The following PCDH17 variants were observed in gnomAD, a reference collection of about 807,000 sequenced individuals.
PCDH17 encodes the protein protocadherin 17.
In PCDH17, 21 loss-of-function variants were observed where a neutral mutation model predicts 67.7. The observed-to-expected ratio is 0.31, with a 90% CI of 0.22 to 0.45. The LOEUF (loss-of-function observed/expected upper bound fraction) is 0.45, where lower values mean the gene tolerates loss of function less well. Ranked by LOEUF, PCDH17 falls within the 20% of genes least tolerant of loss-of-function variation. PCDH17 has a pLI of 1.00. For synonymous variants in PCDH17, 701 were observed against 656.7 expected, an observed-to-expected ratio of 1.07 and a Z score of -1.03; for missense variants, 1,471 against 1,564.8, an observed-to-expected ratio of 0.94 and a Z score of 1.01.
At chr13:57,665,103 T>A (rs1955233063) in intron 1 of PCDH17, among the ~76,000 whole-genome samples, 1 of 152,128 alleles carries the variant, frequency 6.6e-6, no homozygotes, top group African/African-American at 2.4e-5. Flanking sequence ...ATGCTTCACT[T>A]CATCTTTGCG....
intron 3 of PCDH17, among the ~76,000 whole-genome samples, chr13:57,702,917 A>G (rs1446138756): frequency 6.6e-6 from 1 of 152,116 alleles, no homozygotes; most frequent in African/African-American, 2.4e-5. Context: ...ACTGATTCTG[A>G]CCTTTCTGCC....
intron 2 of PCDH17, 63 bp from the exon 3 acceptor site, chr13:57,666,598 A>G: frequency 1.2e-6 from 2 of 1,605,328 alleles, no homozygotes; most frequent in South Asian, 2.2e-5. Context: ...GCAAGAGACT[A>G]CACTTCAGAT....
intron 1 of PCDH17, among the ~76,000 whole-genome samples, chr13:57,641,583 A>C (rs1231791024): frequency 1.7e-5 from 1 of 60,182 alleles, no homozygotes; most frequent in African/African-American, 6.3e-5. Context: ...AAAAAAAAAA[A>C]AAAAATATAT....
chr13:57,666,880 C>T, intron 3 of PCDH17, 47 bp downstream of exon 3: 1 of 1,428,038 alleles, frequency 7.0e-7, no homozygotes, highest in South Asian at 1.3e-5. Context: ...CTTAAGCAGT[C>T]ATTATAAACC....
chr13:57,648,707 A>C (rs1954998443), intron 1 of PCDH17, among the ~76,000 whole-genome samples: 1 of 152,036 alleles, frequency 6.6e-6, no homozygotes, highest in Non-Finnish European at 1.5e-5. Context: ...CCTACCTCAC[A>C]TTAATTATTT....
chr13:57,720,788 G>T (rs1429637926), intron 3 of PCDH17, among the ~76,000 whole-genome samples: 1 of 152,008 alleles, frequency 6.6e-6, no homozygotes, highest in Non-Finnish European at 1.5e-5. Flanking sequence ...CAGGTAAACT[G>T]CAAGTACTAC....
intron 3 of PCDH17, among the ~76,000 whole-genome samples, chr13:57,697,640 G>T (rs1011966333): frequency 6.6e-6 from 1 of 151,572 alleles, no homozygotes; most frequent in Admixed American, 6.6e-5. Context: ...CATTATATAC[G>T]CTTTCTATAG....
chr13:57,666,074 A>G (rs1186889777), intron 1 of PCDH17, among the ~76,000 whole-genome samples: 2 of 152,174 alleles, frequency 1.3e-5, no homozygotes, highest in African/African-American at 4.8e-5. Flanking sequence ...CCAGTAGATG[A>G]TGTAATTATG....
At position 57,634,832 on chromosome 13, in the gene PCDH17, C is replaced by A; in HGVS notation, c.2286C>A (p.Ile762=). Residue 762 remains isoleucine (I), a synonymous_variant, in exon 1 of 4, where the codon ATC becomes ATA. Transcript: ENST00000377918. This position sits in a 1 kb window ranked among gnomAD's most constrained non-coding sequence, Gnocchi z 7.8. The stretch of plus-strand genomic sequence containing the variant: ...GGGGCAAGGGCAAGAAGAAGAAGAT[C>A]AACAAAAATGATATCATGCTGGTGC... ...LGGGKGKKKK[I]NKNDIMLVQS... 2 of 1,614,040 alleles carry A rather than the reference C, an allele frequency of 1.2e-6. No homozygotes were observed. The highest frequency in any genetic ancestry group is 1.7e-6 in the Non-Finnish European group (2 of 1,180,012).
intron 1 of PCDH17, among the ~76,000 whole-genome samples, chr13:57,656,379 T>C (rs947043941): frequency 2.6e-5 from 4 of 152,152 alleles, no homozygotes; most frequent in Non-Finnish European, 5.9e-5. Context: ...TTTAATTATA[T>C]CTAATTTTAA....
At chr13:57,662,311 A>T (rs1296933462) in intron 1 of PCDH17, among the ~76,000 whole-genome samples, 1 of 152,204 alleles carries the variant, frequency 6.6e-6, no homozygotes, top group Non-Finnish European at 1.5e-5. Context: ...AATTTTTCTG[A>T]GAATTTGCAT....
chr13:57,661,624 A>G (rs926145723), intron 1 of PCDH17, among the ~76,000 whole-genome samples: 4 of 151,858 alleles, frequency 2.6e-5, no homozygotes, highest in African/African-American at 9.7e-5. Context: ...GAGGGAGAGA[A>G]AGAGAGAGAG....
At chr13:57,689,333 T>C (rs1411067607) in intron 3 of PCDH17, among the ~76,000 whole-genome samples, 2 of 151,890 alleles carry the variant, frequency 1.3e-5, no homozygotes, top group Admixed American at 6.6e-5. Flanking sequence ...GTCTGGCATA[T>C]TGAATCGAAA....
At chr13:57,675,964 T>C (rs1955387137) in intron 3 of PCDH17, among the ~76,000 whole-genome samples, 2 of 151,930 alleles carry the variant, frequency 1.3e-5, no homozygotes, top group Admixed American at 1.3e-4. Flanking sequence ...AAACTTGTTT[T>C]GATATATGCC....
At chr13:57,635,849 G>C (rs1401452662) in intron 1 of PCDH17, among the ~76,000 whole-genome samples, 3 of 152,166 alleles carry the variant, frequency 2.0e-5, no homozygotes, top group Non-Finnish European at 2.9e-5. Flanking sequence ...GTTTTGTCCT[G>C]TGGTTACCGT....
intron 3 of PCDH17, among the ~76,000 whole-genome samples, chr13:57,669,690 A>C (rs1313525890): frequency 6.6e-6 from 1 of 152,126 alleles, no homozygotes; most frequent in Non-Finnish European, 1.5e-5. Flanking sequence ...ACATATAAAA[A>C]ATAAGCTAAC....
chr13:57,676,757 C>T (rs971454035), intron 3 of PCDH17, among the ~76,000 whole-genome samples: 2 of 151,776 alleles, frequency 1.3e-5, no homozygotes, highest in African/African-American at 4.8e-5. Context: ...CACTGAATCC[C>T]ACAGTTTTTA....
At position 57,641,300 on chromosome 13, in the gene PCDH17, T is replaced by A. The variant is rs1342403218; in HGVS notation, c.2565+6189T>A. Among the ~76,000 whole-genome samples, 3 of 151,502 alleles carry A rather than the reference T, an allele frequency of 2.0e-5. 1 individual carries two copies. The highest frequency in any genetic ancestry group is 1.3e-4 in the Admixed American group (2 of 15,146). On this transcript the variant is annotated intron_variant, in intron 1 of 3. Coordinates refer to ENST00000377918, the MANE Select transcript of PCDH17 (RefSeq NM_001040429.3). ...ATCTTTGGTCTTCTGGAATAAGTTA[T>A]CTACAATAAAGAAGTCCTTAATGAC...
intron 3 of PCDH17, 66 bp downstream of exon 3, chr13:57,666,899 C>T (rs536202596): frequency 7.9e-7 from 1 of 1,271,218 alleles, no homozygotes; most frequent in Non-Finnish European, 1.1e-6. Context: ...CCTATTAGAT[C>T]TAGAGTTGCA....
Sources: gnomAD v4.1 joint callset for allele counts (sites outside exome capture counted in the v4.1 genomes callset) on GRCh38, gnomAD v4.1.1 for gene constraint, Gnocchi (gnomAD v3.1) non-coding constraint, MANE v1.5 for transcripts, NCBI Gene and HGNC (gene_info 2026-07-23, HGNC 2026-07-21) for gene names.